The following KIF6 variants were observed in gnomAD, a reference collection of about 807,000 sequenced individuals.
KIF6 encodes kinesin family member 6.
Under a neutral mutation model 112.7 loss-of-function variants are expected in KIF6, and 106 were observed. The observed-to-expected ratio is 0.94, with a 90% CI of 0.80 to 1.11. KIF6 has a LOEUF of 1.11. Among genes scored for constraint, KIF6 ranks in the 50% least tolerant of loss-of-function variants. The pLI is 0.00. For synonymous variants in KIF6, 339 were observed against 339.9 expected (o/e 1.00, Z 0.03); for missense variants, 929 against 964.0 (o/e 0.96, Z 0.48).
At chr6:39,565,174 T>A (rs1273018553) in intron 10 of KIF6, among the ~76,000 whole-genome samples, 1 of 151,536 alleles carries the variant, frequency 6.6e-6, no homozygotes, top group African/African-American at 2.4e-5. Flanking sequence ...ATTTTATTTT[T>A]AAACACTTGA....
At chr6:39,682,868 G>A (rs915739381) in intron 3 of KIF6, among the ~76,000 whole-genome samples, 8 of 31,130 alleles carry the variant, frequency 2.6e-4, no homozygotes, top group South Asian at 9.6e-4. Context: ...ATGAGCCACC[G>A]CGCCAGCGTG....
intron 13 of KIF6, among the ~76,000 whole-genome samples, chr6:39,534,642 G>A (rs1278312703): frequency 6.6e-6 from 1 of 152,158 alleles, no homozygotes; most frequent in Non-Finnish European, 1.5e-5. Flanking sequence ...CACTCTGCAG[G>A]ATATTATCCA....
chr6:39,527,334 G>C (rs1347402189), intron 13 of KIF6, among the ~76,000 whole-genome samples: 1 of 152,092 alleles, frequency 6.6e-6, no homozygotes, highest in Non-Finnish European at 1.5e-5. Context: ...ATCTCCCTAT[G>C]TTCCTCTCCT....
intron 16 of KIF6, among the ~76,000 whole-genome samples, chr6:39,372,627 A>G (rs1046538486): frequency 6.6e-6 from 1 of 152,200 alleles, no homozygotes; most frequent in African/African-American, 2.4e-5. Flanking sequence ...TGAGATAAAT[A>G]ACACCCATGT....
At chr6:39,704,526 G>A (rs1213293374) in intron 3 of KIF6, among the ~76,000 whole-genome samples, 1 of 152,148 alleles carries the variant, frequency 6.6e-6, no homozygotes, top group Non-Finnish European at 1.5e-5. Context: ...ACTGAGGCAG[G>A]AGAACTGCTT....
intron 13 of KIF6, among the ~76,000 whole-genome samples, chr6:39,519,135 G>C (rs542772215): frequency 5.3e-5 from 8 of 152,186 alleles, no homozygotes; most frequent in African/African-American, 1.9e-4. Flanking sequence ...TGGAGTGGGG[G>C]GTACCGAGAC....
intron 15 of KIF6, among the ~76,000 whole-genome samples, chr6:39,401,788 C>T (rs1347629722): frequency 6.6e-6 from 1 of 152,050 alleles, no homozygotes; most frequent in East Asian, 1.9e-4. Flanking sequence ...AACATCTACC[C>T]TGTTCCTTAT....
intron 18 of KIF6, among the ~76,000 whole-genome samples, chr6:39,358,647 C>T (rs1764898607): frequency 6.6e-6 from 1 of 152,188 alleles, no homozygotes; most frequent in Admixed American, 6.5e-5. Context: ...GATGAACTTG[C>T]CAGGAAGGGC....
intron 3 of KIF6, among the ~76,000 whole-genome samples, chr6:39,683,048 T>C (rs1057203398): frequency 6.6e-6 from 1 of 152,190 alleles, no homozygotes; most frequent in Non-Finnish European, 1.5e-5. Flanking sequence ...CTGCTGAGCC[T>C]GGGCAAAGGA....
chr6:39,615,837 C>T (rs1434205249), intron 5 of KIF6, among the ~76,000 whole-genome samples: 1 of 152,116 alleles, frequency 6.6e-6, no homozygotes, highest in Admixed American at 6.6e-5. Context: ...AAAAGACTGT[C>T]TTTCCAGGGC....
intron 7 of KIF6, among the ~76,000 whole-genome samples, chr6:39,594,167 T>C (rs189530439): frequency 4.0e-5 from 6 of 151,526 alleles, no homozygotes; most frequent in African/African-American, 1.5e-4. Context: ...AGGAGAGGAA[T>C]AGTTTTAGTG....
intron 10 of KIF6, among the ~76,000 whole-genome samples, chr6:39,563,259 G>A (rs1780105352): frequency 6.6e-6 from 1 of 152,044 alleles, no homozygotes; most frequent in African/African-American, 2.4e-5. Context: ...AGAAAATTTA[G>A]AAGACAAAAG....
rs561245021 is a variant in KIF6, at chr6:39,605,300, G to C, written c.639+7889C>G. 3.9e-5 allele frequency among the ~76,000 whole-genome samples: 6 copies of C among 152,022 alleles called. No homozygotes were observed. In the East Asian group the frequency reaches 1.2e-3, roughly 29 times the overall value. On this transcript the variant is annotated intron_variant, in intron 6 of 22. Coordinates refer to ENST00000287152, the MANE Select transcript of KIF6 (RefSeq NM_145027.6). The stretch of plus-strand genomic sequence containing the variant: ...CTGTCCATTTTTCATCTTTTAAATT[G>C]AGTTTGAATTTTTTTCTTTTTTCTC...
intron 19 of KIF6, among the ~76,000 whole-genome samples, chr6:39,347,297 C>A (rs1291079002): frequency 1.3e-5 from 2 of 152,184 alleles, no homozygotes; most frequent in Admixed American, 6.5e-5. Context: ...CACACGCTGG[C>A]CTACCCCTGA....
chr6:39,720,602 A>C (rs1038411637), intron 2 of KIF6, 100 bp downstream of exon 2: 1 of 686,860 alleles, frequency 1.5e-6, no homozygotes, highest in East Asian at 2.6e-5. Flanking sequence ...TGCATTTTCC[A>C]CAAGAAATGG....
At chr6:39,641,379 C>A (rs1242079013) in intron 3 of KIF6, among the ~76,000 whole-genome samples, 4 of 151,726 alleles carry the variant, frequency 2.6e-5, no homozygotes, top group Non-Finnish European at 1.5e-5. Context: ...TCATTCTCAG[C>A]AAACTATCGC....
At chr6:39,371,727 T>C (rs1347297104) in intron 16 of KIF6, among the ~76,000 whole-genome samples, 1 of 152,186 alleles carries the variant, frequency 6.6e-6, no homozygotes, top group African/African-American at 2.4e-5. Flanking sequence ...ATCTGAGTGC[T>C]GACATCTGCT....
intron 13 of KIF6, among the ~76,000 whole-genome samples, chr6:39,432,681 T>A (rs997635982): frequency 5.3e-5 from 8 of 152,054 alleles, no homozygotes; most frequent in African/African-American, 1.9e-4. Flanking sequence ...AGAAAGATGA[T>A]CCCTGATGCA....
chr6:39,553,854 C>A (rs1364323786), intron 10 of KIF6: 1 of 152,750 alleles, frequency 6.5e-6, no homozygotes, highest in African/African-American at 2.4e-5. Context: ...CCCCTGGGGA[C>A]CTTAAGTGGG....
Sources: allele counts gnomAD v4.1 joint callset (sites outside exome capture counted in the v4.1 genomes callset), GRCh38; gene constraint gnomAD v4.1.1; transcripts MANE v1.5; gene names NCBI Gene and HGNC (gene_info 2026-07-23, HGNC 2026-07-21).